TMEM71: variants seen among roughly 807,000 people sequenced by gnomAD.
The protein encoded by TMEM71 is transmembrane protein 71.
In TMEM71, 44 loss-of-function variants were observed where a neutral mutation model predicts 38.0. The observed-to-expected ratio is 1.16, with a 90% CI of 0.91 to 1.49. TMEM71 has a LOEUF of 1.49. Among genes scored for constraint, TMEM71 ranks in the 40% most tolerant of loss-of-function variants. The pLI is 0.00. For missense variants in TMEM71, 367 were observed against 348.6 expected (o/e 1.05, Z -0.42); for synonymous variants, 133 against 122.5 (o/e 1.09, Z -0.56).
intron 3 of TMEM71, among the ~76,000 whole-genome samples, chr8:132,752,896 T>G (rs1297023431): frequency 6.7e-6 from 1 of 149,724 alleles, no homozygotes; most frequent in African/African-American, 2.5e-5. Flanking sequence ...AGGAATCACA[T>G]GGCCCTATAA....
At chr8:132,712,432 A>AG (rs1210967864) in intron 9 of TMEM71, among the ~76,000 whole-genome samples, 2 of 152,170 alleles carry the variant, frequency 1.3e-5, no homozygotes, top group African/African-American at 4.8e-5. Context: ...TAACCCCTGC[A>AG]GATCGGATAT....
At chr8:132,758,078 G>A (rs895592874) in intron 2 of TMEM71, 6 of 152,174 alleles carry the variant, frequency 3.9e-5, no homozygotes. Flanking sequence ...AAAGACATTA[G>A]TGGGGAAGAA....
chr8:132,709,572 G>A (rs1452359283), downstream of TMEM71, among the ~76,000 whole-genome samples: 1 of 152,060 alleles, frequency 6.6e-6, no homozygotes, highest in Non-Finnish European at 1.5e-5. Context: ...GGGAGGTAGA[G>A]GGAGATTTTA....
chr8:132,752,144 A>G (rs1828750680), intron 3 of TMEM71, 147 bp from the exon 4 acceptor site: 2 of 690,904 alleles, frequency 2.9e-6, no homozygotes, highest in Non-Finnish European at 5.0e-6. Flanking sequence ...GTCACTCTTA[A>G]TGTTCTGGGC....
chr8:132,715,409 CAAAA>C (rs975995287), intron 7 of TMEM71, among the ~76,000 whole-genome samples: 36 of 21,562 alleles, frequency 1.7e-3, no homozygotes, highest in Admixed American at 3.3e-3. Flanking sequence ...GACTCCGTCT[CAAAA>C]AAAAAAAAAA....
At chr8:132,715,250 C>CA (rs71299031) in intron 7 of TMEM71, among the ~76,000 whole-genome samples, 21,873 of 142,662 alleles carry the variant, frequency 0.15, 1,962 homozygotes, top group East Asian at 0.31. Flanking sequence ...ACTAAAAATG[C>CA]AAAAAAAAAA....
the TMEM71 span, chr8:132,775,240 C>A: frequency 9.2e-4 from 289 of 315,230 alleles, 1 homozygote; most frequent in African/African-American, 6.0e-3. Context: ...GCTAGCGGTC[C>A]GTCAACGACC....
chr8:132,729,704 T>C (rs959929940), intron 5 of TMEM71, among the ~76,000 whole-genome samples: 2 of 152,102 alleles, frequency 1.3e-5, no homozygotes, highest in African/African-American at 2.4e-5. Flanking sequence ...TTAGAAGTCA[T>C]AGTAGTCAAA....
chr8:132,746,851 T>A (rs1828415760), intron 5 of TMEM71, 91 bp downstream of exon 5: 1 of 1,045,158 alleles, frequency 9.6e-7, no homozygotes, highest in Non-Finnish European at 1.3e-6. Flanking sequence ...ATGACTGTCA[T>A]CCCTGGAACT....
chr8:132,742,106 G>A (rs1157618095), intron 5 of TMEM71, among the ~76,000 whole-genome samples: 1 of 152,168 alleles, frequency 6.6e-6, no homozygotes, highest in Admixed American at 6.5e-5. Flanking sequence ...GTATGGCCTG[G>A]TTTTTCCTAG....
upstream of TMEM71, among the ~76,000 whole-genome samples, chr8:132,763,641 A>T (rs138592880): frequency 6.6e-6 from 1 of 152,226 alleles, no homozygotes; most frequent in African/African-American, 2.4e-5. Context: ...CACAGGAAAC[A>T]TGGTCTCACC....
intron 4 of TMEM71, among the ~76,000 whole-genome samples, chr8:132,747,798 G>T (rs1168650995): frequency 6.6e-6 from 1 of 152,226 alleles, no homozygotes; most frequent in African/African-American, 2.4e-5. Context: ...AAGAAATGAA[G>T]CTGGACAGGT....
chr8:132,746,993 T>C lies in TMEM71; in HGVS notation c.436A>G (p.Asn146Asp), dbSNP rs1489381197. The change falls in exon 5 of 10, where the codon AAC becomes GAC. Residue 146 changes from asparagine to aspartate, a missense_variant. Asn to Asp is a conservative substitution (Grantham distance 23). Coordinates refer to ENST00000677595, the MANE Select transcript of TMEM71 (RefSeq NM_001382403.1). ...AACCTCCTGGTCCCCTTCAACCAGT[T>C]GTCTTCACTTGGAGAAGAGTTGATG... Reference protein sequence around the residue: ...GDINSSPSEDNWLKGTRRLDT... With the variant: ...GDINSSPSEDDWLKGTRRLDT... 1 of 1,613,488 alleles carries C rather than the reference T, an allele frequency of 6.2e-7. No individual in the cohort carries two copies. The highest frequency in any genetic ancestry group is 8.5e-7 in the Non-Finnish European group (1 of 1,179,858).
At chr8:132,716,159 G>GC (rs1012379611) in intron 7 of TMEM71, among the ~76,000 whole-genome samples, 2 of 152,216 alleles carry the variant, frequency 1.3e-5, no homozygotes, top group Non-Finnish European at 2.9e-5. Flanking sequence ...GGCCTTGGAA[G>GC]CCCCCCTGTG....
intron 5 of TMEM71, among the ~76,000 whole-genome samples, chr8:132,728,445 C>A (rs1237170446): frequency 6.6e-6 from 1 of 152,216 alleles, no homozygotes; most frequent in African/African-American, 2.4e-5. Context: ...CACCATGATT[C>A]AATACCCTCC....
At position 132,716,313 on chromosome 8, in the gene TMEM71, G is replaced by A. The variant is rs536936188; in HGVS notation, c.753-2098C>T. ...AGACCCCACATTTGTTTGCTCACACGCCCCTCACCACTCCACACCTTGCTT... is the reference window on the plus strand; with the variant it reads ...AGACCCCACATTTGTTTGCTCACACACCCCTCACCACTCCACACCTTGCTT... On this transcript the variant is annotated intron_variant, in intron 7 of 9. Coordinates refer to ENST00000677595, the MANE Select transcript of TMEM71 (RefSeq NM_001382403.1). Among the ~76,000 whole-genome samples the A allele has an allele frequency of 5.3e-5, 8 of 152,240 alleles. No homozygotes were observed. In the South Asian group the frequency reaches 1.5e-3, roughly 28 times the overall value.
At chr8:132,746,007 G>C (rs878870898) in intron 5 of TMEM71, among the ~76,000 whole-genome samples, 1 of 143,334 alleles carries the variant, frequency 7.0e-6, no homozygotes, top group Admixed American at 7.3e-5. Flanking sequence ...TAGATACTGG[G>C]GCTACTAGAT....
chr8:132,774,392 C>G, the TMEM71 span, among the ~76,000 whole-genome samples: 1 of 152,160 alleles, frequency 6.6e-6, no homozygotes, highest in Non-Finnish European at 1.5e-5. Flanking sequence ...TATGTATCAC[C>G]ATGCTCAGTC....
chr8:132,770,802 T>C, the TMEM71 span, among the ~76,000 whole-genome samples: 3 of 152,330 alleles, frequency 2.0e-5, no homozygotes, highest in Non-Finnish European at 4.4e-5. Context: ...ATGAATTGTT[T>C]AGGGTAGCTT....
Sources: gnomAD v4.1 joint callset for allele counts (sites outside exome capture counted in the v4.1 genomes callset) on GRCh38, gnomAD v4.1.1 for gene constraint, MANE v1.5 for transcripts, NCBI Gene and HGNC (gene_info 2026-07-23, HGNC 2026-07-21) for gene names.